The following DOCK10 variants were observed in gnomAD, a reference collection of about 807,000 sequenced individuals.
DOCK10 encodes dedicator of cytokinesis 10.
In DOCK10, 145 loss-of-function variants were observed where a neutral mutation model predicts 280.1. The observed-to-expected ratio is 0.52, with a 90% CI of 0.45 to 0.59. The LOEUF (loss-of-function observed/expected upper bound fraction) is 0.59, where lower values mean the gene tolerates loss of function less well. DOCK10 is among the 20% of genes least tolerant of loss of function. The pLI is 0.00. For synonymous variants in DOCK10, 915 were observed against 942.2 expected (o/e 0.97, Z 0.53); for missense variants, 2,368 against 2,651.7 (o/e 0.89, Z 2.35).
At chr2:225,008,032 G>T (rs185305612) in intron 1 of DOCK10, among the ~76,000 whole-genome samples, 94 of 152,096 alleles carry the variant, frequency 6.2e-4, no homozygotes, top group African/African-American at 2.0e-3. Context: ...ATGCTCAAAT[G>T]TCACCCAAAG....
At chr2:225,039,686 TTCTCTC>T (rs5839087) in intron 1 of DOCK10, among the ~76,000 whole-genome samples, 52,257 of 150,020 alleles carry the variant, frequency 0.35, 9,910 homozygotes, top group African/African-American at 0.52. Context: ...GCTTCCTGTC[TTCTCTC>T]TCTCTCTCTC....
Position 224,959,634 on chromosome 2 carries a change from T to A in DOCK10, c.124-27966A>T, listed in dbSNP as rs187169678. On this transcript the variant is annotated intron_variant, in intron 1 of 55. Transcript: ENST00000258390. Reference sequence around the variant, plus strand: ...TCACTAGATGACATTGCCCTTGACATGATTTGTAAATAAAGCACTGGAAAT... The same window carrying A: ...TCACTAGATGACATTGCCCTTGACAAGATTTGTAAATAAAGCACTGGAAAT... Among the ~76,000 whole-genome samples, 205 of 152,338 alleles carry A rather than the reference T, an allele frequency of 1.3e-3. 1 individual carries two copies. The highest frequency in any genetic ancestry group is 0.011 in the Admixed American group (172 of 15,302).
At position 224,970,759 on chromosome 2, in the gene DOCK10, A is replaced by G. The variant is rs1705036866; in HGVS notation, c.124-39091T>C. ...ATCCTTAAAGAAAAGTCAAAAAACT[A>G]GTTTGGAGCAAGAATCCCTATGACA... On this transcript the variant is annotated intron_variant, in intron 1 of 55. Coordinates refer to ENST00000258390, the MANE Select transcript of DOCK10 (RefSeq NM_014689.3). This position sits in a 1 kb window ranked among gnomAD's most constrained non-coding sequence, Gnocchi z 4.6. Among the ~76,000 whole-genome samples, 1 of 152,244 alleles carries G rather than the reference A, an allele frequency of 6.6e-6. No homozygotes were observed. Among genetic ancestry groups the G allele is most frequent in the African/African-American group, 2.4e-5 (1 of 41,462 alleles).
At chr2:224,897,985 G>A (rs1700081139) in intron 3 of DOCK10, among the ~76,000 whole-genome samples, 1 of 152,118 alleles carries the variant, frequency 6.6e-6, no homozygotes. Flanking sequence ...CTGTTCTTTA[G>A]CATTAGGGGG....
chr2:224,852,925 TATATC>T lies in DOCK10; in HGVS notation c.2076+5_2076+9del, dbSNP rs1318903117. Reference sequence around the variant, plus strand: ...AAGAAAAGATGATATCTCTGGAACTTATATCATACCTTGTTGAAGCATTTCTGGCT... The same window carrying T: ...AAGAAAAGATGATATCTCTGGAACTTATACCTTGTTGAAGCATTTCTGGCT... On this transcript the variant is annotated splice_donor_5th_base_variant and intron_variant, in intron 17 of 55. Coordinates refer to ENST00000258390, the MANE Select transcript of DOCK10 (RefSeq NM_014689.3). 6 of 1,571,716 alleles carry T rather than the reference TATATC, an allele frequency of 3.8e-6. No homozygotes were observed. Among genetic ancestry groups the T allele is most frequent in the Admixed American group, 1.8e-5 (1 of 56,778 alleles).
At position 224,936,677 on chromosome 2, in the gene DOCK10, A is replaced by C. The variant is rs987820581; in HGVS notation, c.124-5009T>G. ...ATATAATACAACAGAATAATCACAC[A>C]AGATTTAATAAATTTAAAGAGAAAA... On this transcript the variant is annotated intron_variant, in intron 1 of 55. Transcript: ENST00000258390. Among the ~76,000 whole-genome samples the C allele has an allele frequency of 4.6e-5, 7 of 152,296 alleles. No individual in the cohort carries two copies. The South Asian group carries it at 1.4e-3, about 32-fold the overall frequency.
intron 1 of DOCK10, among the ~76,000 whole-genome samples, chr2:225,023,438 G>A (rs1410726737): frequency 6.6e-6 from 1 of 152,100 alleles, no homozygotes; most frequent in African/African-American, 2.4e-5. Context: ...GAAAAAAAGT[G>A]GCCAATAAAC....
At position 224,931,573 on chromosome 2, in the gene DOCK10, C is replaced by T; in HGVS notation, c.219G>A (p.Leu73=). ...CTGAAAAGTCATCACTGGGGAAGAA[C>T]AAGAGATCTTGAAGAGGATCATTCC... ...TYRNDPLQDL[L]FFPSDDFSAA... Residue 73 remains leucine (L), a synonymous_variant, in exon 2 of 56, where the codon TTG becomes TTA. Coordinates refer to ENST00000258390, the MANE Select transcript of DOCK10 (RefSeq NM_014689.3). 1 of 1,610,894 alleles carries T rather than the reference C, an allele frequency of 6.2e-7. No individual in the cohort carries two copies. The highest frequency in any genetic ancestry group is 8.5e-7 in the Non-Finnish European group (1 of 1,178,540).
chr2:224,911,666 C>T (rs758270890), intron 3 of DOCK10, among the ~76,000 whole-genome samples: 5 of 152,082 alleles, frequency 3.3e-5, no homozygotes, highest in Non-Finnish European at 5.9e-5. Flanking sequence ...ATCCAAGGCT[C>T]TGAAAGCCTT....
At chr2:224,937,392 T>A (rs141101837) in intron 1 of DOCK10, among the ~76,000 whole-genome samples, 1 of 152,168 alleles carries the variant, frequency 6.6e-6, no homozygotes, top group African/African-American at 2.4e-5. Context: ...TTGAAGATGA[T>A]TGAAAATTAC....
At chr2:224,968,860 C>T (rs1217772889) in intron 1 of DOCK10, among the ~76,000 whole-genome samples, 1 of 152,210 alleles carries the variant, frequency 6.6e-6, no homozygotes, top group Non-Finnish European at 1.5e-5. Flanking sequence ...AAAGGCAACA[C>T]AAGGTGTGAA....
intron 8 of DOCK10, among the ~76,000 whole-genome samples, chr2:224,875,536 G>A (rs1698572040): frequency 6.6e-6 from 1 of 151,552 alleles, no homozygotes; most frequent in African/African-American, 2.4e-5. Flanking sequence ...ATTAGGATGG[G>A]GAGAAAAAAA....
chr2:225,042,074 C>T lies in DOCK10; in HGVS notation c.123+178G>A, dbSNP rs546731318. 3.3e-5 allele frequency among the ~76,000 whole-genome samples: 5 copies of T among 152,310 alleles called. No homozygotes were observed. The South Asian group carries it at 1.0e-3, about 32-fold the overall frequency. Reference sequence around the variant, plus strand: ...GCCCCCGGTCCTTACGCGTCGGTGGCGCTGCCTCGCTGAGGTGGCGCCGGG... The same window carrying T: ...GCCCCCGGTCCTTACGCGTCGGTGGTGCTGCCTCGCTGAGGTGGCGCCGGG... On this transcript the variant is annotated intron_variant, in intron 1 of 55. Transcript: ENST00000258390. The surrounding 1 kb of genome is among the most constrained non-coding windows in gnomAD (Gnocchi z 5.1).
chr2:224,978,355 C>A (rs1705555264), intron 1 of DOCK10, among the ~76,000 whole-genome samples: 1 of 152,126 alleles, frequency 6.6e-6, no homozygotes. Context: ...ATCGCTTGAA[C>A]CCTGGAAGCG....
chr2:224,941,914 A>C (rs1575092600), intron 1 of DOCK10, among the ~76,000 whole-genome samples: 1 of 152,070 alleles, frequency 6.6e-6, no homozygotes, highest in East Asian at 1.9e-4. Context: ...CATATAATGA[A>C]TGTTATTAGT....
intron 2 of DOCK10, among the ~76,000 whole-genome samples, chr2:224,931,124 G>A (rs1702343437): frequency 6.6e-6 from 1 of 152,204 alleles, no homozygotes; most frequent in Non-Finnish European, 1.5e-5. Flanking sequence ...GACAAACCAA[G>A]ATTAAGGGTG....
chr2:224,796,699 C>T (rs1265838311), intron 43 of DOCK10, among the ~76,000 whole-genome samples: 1 of 152,144 alleles, frequency 6.6e-6, no homozygotes, highest in Non-Finnish European at 1.5e-5. Flanking sequence ...CCTGTTGGAG[C>T]TAGCCATGGT....
intron 3 of DOCK10, among the ~76,000 whole-genome samples, chr2:224,904,324 A>G (rs1421050939): frequency 5.9e-5 from 9 of 152,206 alleles, no homozygotes; most frequent in Non-Finnish European, 1.5e-5. Flanking sequence ...CAAAAAATAA[A>G]AATCCAAAAC....
At chr2:224,894,923 T>C (rs988190129) in intron 4 of DOCK10, among the ~76,000 whole-genome samples, 1 of 152,198 alleles carries the variant, frequency 6.6e-6, no homozygotes, top group African/African-American at 2.4e-5. Context: ...CCAAAGGCTT[T>C]TGTTGCAATG....
Sources: gnomAD v4.1 joint callset for allele counts (sites outside exome capture counted in the v4.1 genomes callset) on GRCh38, gnomAD v4.1.1 for gene constraint, Gnocchi (gnomAD v3.1) non-coding constraint, MANE v1.5 for transcripts, NCBI Gene and HGNC (gene_info 2026-07-23, HGNC 2026-07-21) for gene names.